CTNNA2: variants seen among roughly 807,000 people sequenced by gnomAD.
CTNNA2 encodes the protein catenin alpha 2, also known as catenin alpha-2.
Under a neutral mutation model 101.0 loss-of-function variants are expected in CTNNA2, and 42 were observed. The observed-to-expected ratio is 0.42, with a 90% CI of 0.32 to 0.54. CTNNA2 has a LOEUF of 0.54. CTNNA2 is among the 20% of genes least tolerant of loss of function. The pLI, the probability that CTNNA2 is intolerant of heterozygous loss-of-function variation, is 0.14. For missense variants in CTNNA2, 871 were observed against 1,223.1 expected (o/e 0.71, Z 4.29); for synonymous variants, 450 against 456.4 (o/e 0.99, Z 0.18).
At chr2:79,689,848 C>G (rs900649437) in intron 2 of CTNNA2, among the ~76,000 whole-genome samples, 2 of 151,740 alleles carry the variant, frequency 1.3e-5, no homozygotes, top group African/African-American at 4.8e-5. Context: ...ATAGTTTTAA[C>G]AGTAGATTAG....
intron 4 of CTNNA2, among the ~76,000 whole-genome samples, chr2:79,469,171 A>T (rs1670970752): frequency 6.6e-6 from 1 of 152,172 alleles, no homozygotes; most frequent in Non-Finnish European, 1.5e-5. Flanking sequence ...AATCAAATAG[A>T]TGCACTAAAA....
rs190487988 is a variant in CTNNA2, at chr2:79,259,487, G to T, written c.-405-53222G>T. Among the ~76,000 whole-genome samples, 6 of 152,282 alleles carry T rather than the reference G, an allele frequency of 3.9e-5. No homozygotes were observed. In the East Asian group the frequency reaches 9.6e-4, roughly 24 times the overall value. On this transcript the variant is annotated intron_variant, in intron 2 of 21. Coordinates refer to the CTNNA2 transcript ENST00000466387. ...GAATCAGCCAAAAGTCCTAGTGTGGGTAGGGCCATGTGTACCTTGAATAAC... is the reference window on the plus strand; with the variant it reads ...GAATCAGCCAAAAGTCCTAGTGTGGTTAGGGCCATGTGTACCTTGAATAAC...
rs763911879 is a variant in CTNNA2 at position 80,545,957 on chromosome 2, T to C, written c.1434T>C (p.Ala478=). Reference sequence around the variant, plus strand: ...CTGCCCGGCCACAGAGCAAAGTTGCTCAGGATAACATGGACGTCTTCAAAG... The same window carrying C: ...CTGCCCGGCCACAGAGCAAAGTTGCCCAGGATAACATGGACGTCTTCAAAG... ...TLAARPQSKV[A]QDNMDVFKDQ... Residue 478 remains alanine (A), a synonymous_variant, in exon 11 of 19, where the codon GCT becomes GCC. Transcript: ENST00000402739. 1 of 1,614,118 alleles carries C rather than the reference T, an allele frequency of 6.2e-7. No individual in the cohort carries two copies. The highest frequency in any genetic ancestry group is 2.2e-5 in the East Asian group (1 of 44,852).
chr2:79,987,462 G>C (rs1212646178), intron 7 of CTNNA2, among the ~76,000 whole-genome samples: 1 of 152,144 alleles, frequency 6.6e-6, no homozygotes, highest in Non-Finnish European at 1.5e-5. Context: ...TAATCTTCGA[G>C]AGTCTCAGTT....
intron 7 of CTNNA2, among the ~76,000 whole-genome samples, chr2:80,063,802 G>C (rs558248430): frequency 5.3e-5 from 8 of 152,172 alleles, no homozygotes; most frequent in African/African-American, 1.9e-4. Flanking sequence ...AACACCTGCT[G>C]TTTCCATCCC....
intron 13 of CTNNA2, chr2:80,575,340 A>C (rs1001687890): frequency 1.3e-5 from 2 of 152,126 alleles, no homozygotes; most frequent in African/African-American, 4.8e-5. Context: ...ATTTAACCAA[A>C]TGTATCCAAA....
intron 3 of CTNNA2, among the ~76,000 whole-genome samples, chr2:79,810,944 T>G (rs1391425295): frequency 6.6e-6 from 1 of 151,630 alleles, no homozygotes; most frequent in Non-Finnish European, 1.5e-5. Context: ...ACATTTGGGT[T>G]GGTTCCAAGT....
intron 7 of CTNNA2, among the ~76,000 whole-genome samples, chr2:80,170,225 CTCTCTCTG>C (rs1704964475): frequency 1.3e-5 from 2 of 151,086 alleles, no homozygotes; most frequent in African/African-American, 2.5e-5. Context: ...CTCTCTCTCT[CTCTCTCTG>C]TGTGTGTGTG....
intron 4 of CTNNA2, among the ~76,000 whole-genome samples, chr2:79,414,465 T>C (rs1678454163): frequency 6.6e-6 from 1 of 152,030 alleles, no homozygotes; most frequent in Non-Finnish European, 1.5e-5. Flanking sequence ...AAATAATATA[T>C]ACTATATCCC....
intron 2 of CTNNA2, among the ~76,000 whole-genome samples, chr2:79,710,799 A>G (rs1176235510): frequency 2.0e-5 from 3 of 152,112 alleles, no homozygotes; most frequent in African/African-American, 7.2e-5. Context: ...TAGTGATATA[A>G]ACATCCTCTA....
intron 2 of CTNNA2, chr2:79,281,386 A>T (rs1675378760): frequency 6.6e-6 from 1 of 152,126 alleles, no homozygotes; most frequent in Non-Finnish European, 1.5e-5. Context: ...TAACGGCTCC[A>T]TTTGCTCAGT....
intron 12 of CTNNA2, among the ~76,000 whole-genome samples, chr2:80,560,195 T>C (rs2149671802): frequency 6.6e-6 from 1 of 152,346 alleles, no homozygotes; most frequent in Non-Finnish European, 1.5e-5. Context: ...TTCCATGCTC[T>C]ATAACCTAAA....
chr2:79,646,946 C>T (rs986713987), intron 1 of CTNNA2, among the ~76,000 whole-genome samples: 7 of 152,168 alleles, frequency 4.6e-5, no homozygotes, highest in African/African-American at 7.2e-5. Flanking sequence ...TATTTACAAT[C>T]TTGTTTTTCA....
intron 7 of CTNNA2, among the ~76,000 whole-genome samples, chr2:80,277,839 C>T (rs1339813938): frequency 6.6e-6 from 1 of 152,096 alleles, no homozygotes; most frequent in Non-Finnish European, 1.5e-5. Context: ...GTAATTTCTC[C>T]TCAGAGCCCT....
intron 3 of CTNNA2, among the ~76,000 whole-genome samples, chr2:79,324,204 T>A (rs1346748947): frequency 1.3e-5 from 2 of 152,184 alleles, no homozygotes; most frequent in African/African-American, 4.8e-5. Context: ...CAGCTCTGAA[T>A]GAGAGAAGGC....
At chr2:80,196,309 T>C (rs1706829157) in intron 7 of CTNNA2, among the ~76,000 whole-genome samples, 1 of 152,156 alleles carries the variant, frequency 6.6e-6, no homozygotes, top group Non-Finnish European at 1.5e-5. Context: ...CTATTCCTAG[T>C]TATAGGATAT....
In CTNNA2 at chr2:80,385,644, A is replaced by G. The variant is rs181410059; in HGVS notation, c.1057-7567A>G. ...TTCTTCCCCTCCTTCTTCTTCCCTT[A>G]AATTTCTTTTTCTCCAATTCTTCAT... On this transcript the variant is annotated intron_variant, in intron 7 of 18. Transcript: ENST00000402739. Among the ~76,000 whole-genome samples, 436 of 152,120 alleles carry G rather than the reference A, an allele frequency of 2.9e-3. 1 individual carries two copies. The highest frequency in any genetic ancestry group is 4.0e-3 in the Non-Finnish European group (272 of 67,996).
intron 7 of CTNNA2, among the ~76,000 whole-genome samples, chr2:80,201,367 C>CTTTTTTTTT (rs60448795): frequency 1.4e-3 from 113 of 80,718 alleles, no homozygotes; most frequent in Non-Finnish European, 1.9e-3. Context: ...CTTTTTCTTT[C>CTTTTTTTTT]TTTTTTTTTT....
intron 9 of CTNNA2, among the ~76,000 whole-genome samples, chr2:80,487,369 C>A (rs1159345513): frequency 2.0e-5 from 3 of 151,710 alleles, no homozygotes; most frequent in Non-Finnish European, 2.9e-5. Context: ...TAAAGAACTG[C>A]TGAAGACTGG....
Sources: allele counts gnomAD v4.1 joint callset (sites outside exome capture counted in the v4.1 genomes callset), GRCh38; gene constraint gnomAD v4.1.1; transcripts MANE v1.5; gene names NCBI Gene and HGNC (gene_info 2026-07-23, HGNC 2026-07-21).